GREB1L: variants seen among roughly 807,000 people sequenced by gnomAD.
GREB1L encodes GREB1-like protein.
In GREB1L, 17 loss-of-function variants were observed where a neutral mutation model predicts 200.8. The ratio of observed to expected loss-of-function variants is 0.08; its 90% CI spans 0.06 to 0.13. GREB1L has a LOEUF of 0.13. GREB1L is among the 10% of genes least tolerant of loss of function. The pLI is 1.00. For missense variants in GREB1L, 1,657 were observed against 2,367.7 expected (o/e 0.70, Z 6.23); for synonymous variants, 789 against 893.0 (o/e 0.88, Z 2.08).
At chr18:21,447,682 T>C (rs1479715805) in intron 11 of GREB1L, among the ~76,000 whole-genome samples, 1 of 152,186 alleles carries the variant, frequency 6.6e-6, no homozygotes, top group East Asian at 1.9e-4. Flanking sequence ...AGCTGTCATG[T>C]TCTGGTGGAA....
intron 17 of GREB1L, among the ~76,000 whole-genome samples, chr18:21,481,576 A>T (rs1403877253): frequency 6.6e-6 from 1 of 151,696 alleles, no homozygotes; most frequent in Non-Finnish European, 1.5e-5. Flanking sequence ...CAAACGAAAC[A>T]CGCCTGTGGG....
intron 31 of GREB1L, among the ~76,000 whole-genome samples, chr18:21,519,762 A>G (rs2037547705): frequency 6.6e-6 from 1 of 152,226 alleles, no homozygotes; most frequent in African/African-American, 2.4e-5. Context: ...CATGGCTACT[A>G]AATGGAGGAA....
intron 7 of GREB1L, among the ~76,000 whole-genome samples, chr18:21,406,211 G>A (rs1282447526): frequency 2.0e-5 from 3 of 152,086 alleles, no homozygotes; most frequent in East Asian, 1.9e-4. Context: ...AATATAATTT[G>A]TAAACAAATT....
At chr18:21,388,484 C>T (rs1159561462) in intron 4 of GREB1L, among the ~76,000 whole-genome samples, 1 of 150,560 alleles carries the variant, frequency 6.6e-6, no homozygotes, top group Non-Finnish European at 1.5e-5. Context: ...GTTCCAGTAT[C>T]CCATCCAGGA....
chr18:21,358,823 C>T (rs976207041), intron 1 of GREB1L, among the ~76,000 whole-genome samples: 7 of 152,230 alleles, frequency 4.6e-5, no homozygotes, highest in African/African-American at 1.7e-4. Flanking sequence ...TACCTGCTCA[C>T]TAAAAACTGT....
chr18:21,514,649 C>T (rs978005183), intron 28 of GREB1L, among the ~76,000 whole-genome samples: 1 of 152,246 alleles, frequency 6.6e-6, no homozygotes, highest in Non-Finnish European at 1.5e-5. Flanking sequence ...GTTGCCCAGT[C>T]TGGTGTTGAA....
chr18:21,463,177 G>A lies in GREB1L; in HGVS notation c.2182+8614G>A, dbSNP rs1404567788. Among the ~76,000 whole-genome samples, 32 of 108,178 alleles carry A rather than the reference G, an allele frequency of 3.0e-4. No homozygotes were observed. The East Asian group carries it at 8.9e-3, about 30-fold the overall frequency. The allele number at this position is 108,178 out of a possible 152,430, so 71.0% of individuals were successfully genotyped here. A position where few individuals can be genotyped will look rare whatever the true frequency, so the allele number is the denominator to read the frequency against. ...TTTTTTTTTTTTGAGATGGAGTCTC[G>A]CTCTGTCCCCCAGGCTGGAGTGCAG... On this transcript the variant is annotated intron_variant, in intron 15 of 32. Transcript: ENST00000424526.
intron 1 of GREB1L, among the ~76,000 whole-genome samples, chr18:21,270,447 T>C (rs540800857): frequency 6.6e-6 from 1 of 152,164 alleles, no homozygotes. Context: ...AGGATTATCA[T>C]CTGTGGCTAT....
intron 1 of GREB1L, among the ~76,000 whole-genome samples, chr18:21,253,435 G>A (rs1306951936): frequency 4.6e-5 from 7 of 151,880 alleles, no homozygotes; most frequent in Non-Finnish European, 8.8e-5. Flanking sequence ...ATTTTTAGTA[G>A]AGTTGAGGTT....
intron 11 of GREB1L, 147 bp downstream of exon 11, chr18:21,444,556 G>C (rs1371150872): frequency 8.6e-6 from 6 of 694,354 alleles, no homozygotes; most frequent in Non-Finnish European, 1.4e-5. Flanking sequence ...CCCATTCTCT[G>C]TAACTTTTCC....
chr18:21,429,145 TCCTC>T (rs1415158211), intron 7 of GREB1L, among the ~76,000 whole-genome samples: 2 of 107,672 alleles, frequency 1.9e-5, no homozygotes, highest in African/African-American at 4.3e-5. Flanking sequence ...CTTCCTTCCT[TCCTC>T]CCTTCCCTCC....
intron 20 of GREB1L, among the ~76,000 whole-genome samples, chr18:21,496,091 A>T (rs1176872817): frequency 1.3e-5 from 2 of 152,140 alleles, no homozygotes; most frequent in Admixed American, 6.5e-5. Flanking sequence ...CTATTCCTGC[A>T]CCCCTCAAGG....
At chr18:21,517,776 T>C (rs1426472632) in intron 30 of GREB1L, among the ~76,000 whole-genome samples, 1 of 152,196 alleles carries the variant, frequency 6.6e-6, no homozygotes, top group Non-Finnish European at 1.5e-5. Context: ...TCTCACAGTG[T>C]ACCTGTTAAA....
chr18:21,503,111 G>A (rs374840783), intron 23 of GREB1L, among the ~76,000 whole-genome samples: 2 of 152,144 alleles, frequency 1.3e-5, no homozygotes, highest in Non-Finnish European at 2.9e-5. Context: ...GATATTAGCT[G>A]TACCTCCAAT....
intron 1 of GREB1L, among the ~76,000 whole-genome samples, chr18:21,335,206 G>A (rs1050784878): frequency 3.9e-4 from 60 of 152,122 alleles, no homozygotes; most frequent in Non-Finnish European, 1.3e-4. Context: ...GACGGTAAAC[G>A]TTTTTTAAAT....
At chr18:21,490,732 A>G (rs1196034427) in intron 19 of GREB1L, among the ~76,000 whole-genome samples, 2 of 152,152 alleles carry the variant, frequency 1.3e-5, no homozygotes. Context: ...TGTTTTAAGT[A>G]TCCTCAACTC....
At chr18:21,423,000 G>A (rs2032279616) in intron 7 of GREB1L, among the ~76,000 whole-genome samples, 2 of 151,936 alleles carry the variant, frequency 1.3e-5, no homozygotes, top group Non-Finnish European at 1.5e-5. Flanking sequence ...GCGCGATCTC[G>A]GCTCACTGCA....
At chr18:21,330,460 A>G (rs141420064) in intron 1 of GREB1L, among the ~76,000 whole-genome samples, 1 of 152,260 alleles carries the variant, frequency 6.6e-6, no homozygotes, top group Non-Finnish European at 1.5e-5. Flanking sequence ...TCTTACCACC[A>G]CTTAGAAATC....
intron 1 of GREB1L, among the ~76,000 whole-genome samples, chr18:21,256,212 A>C (rs2037796299): frequency 6.6e-6 from 1 of 152,226 alleles, no homozygotes; most frequent in Non-Finnish European, 1.5e-5. Flanking sequence ...TTCTGTTGCA[A>C]ATGAACTCCC....
Sources: allele counts gnomAD v4.1 joint callset (sites outside exome capture counted in the v4.1 genomes callset), GRCh38; gene constraint gnomAD v4.1.1; transcripts MANE v1.5; gene names NCBI Gene and HGNC (gene_info 2026-07-23, HGNC 2026-07-21).